The following HSPG2 variants were observed in gnomAD, a reference collection of about 807,000 sequenced individuals.
The protein encoded by HSPG2 is heparan sulfate proteoglycan 2.
Under a neutral mutation model 526.6 loss-of-function variants are expected in HSPG2, and 278 were observed. The observed-to-expected ratio is 0.53, with a 90% CI of 0.48 to 0.58. The LOEUF is 0.58. HSPG2 is among the 20% of genes least tolerant of loss of function. The pLI, the probability that HSPG2 is intolerant of heterozygous loss-of-function variation, is 0.00. For missense variants in HSPG2, 5,354 were observed against 6,099.5 expected (o/e 0.88, Z 4.07); for synonymous variants, 2,465 against 2,555.4 (o/e 0.96, Z 1.07).
Position 21,822,500 on chromosome 1 carries a change from G to A in HSPG2, c.*816C>T, listed in dbSNP as rs561815621. 11 of 368,534 alleles carry A rather than the reference G, an allele frequency of 3.0e-5. No homozygotes were observed. Among genetic ancestry groups the A allele is most frequent in the Non-Finnish European group, 4.2e-5 (8 of 192,050 alleles). The allele number at this position is 368,534 out of a possible 1,614,324, so 22.8% of individuals were successfully genotyped here. A position where few individuals can be genotyped will look rare whatever the true frequency, so the allele number is the denominator to read the frequency against. On this transcript the variant is annotated 3_prime_UTR_variant, in exon 97 of 97. Transcript: ENST00000374695. ...GAGCACCAGCGGCATCCGTCCGTCC[G>A]TTGTCTGTTGGAGGAGTCCCTGGGC... is the stretch of plus-strand genomic sequence containing the variant.
chr1:21,831,513 T>G lies in HSPG2; in HGVS notation c.11402A>C (p.Tyr3801Ser). 6.2e-7 allele frequency: 1 copy of G among 1,614,068 alleles called. No individual in the cohort carries two copies. Among genetic ancestry groups the G allele is most frequent in the Non-Finnish European group, 8.5e-7 (1 of 1,179,976 alleles). ...DLNEELYLGG[Y>S]PDYGAIPKAG... The stretch of plus-strand genomic sequence containing the variant: ...CTTGGGGATGGCACCATAGTCAGGA[T>G]AGCCACCCAGGTAGAGTTCCTCGTT... Residue 3801 changes from tyrosine to serine, a missense_variant, in exon 83 of 97, where the codon TAT becomes TCT. Transcript: ENST00000374695.
chr1:21,876,776 T>C (rs924394724), intron 21 of HSPG2, 124 bp from the exon 22 acceptor site: 2 of 1,302,760 alleles, frequency 1.5e-6, no homozygotes, highest in South Asian at 2.5e-5. Flanking sequence ...AGAGCACATG[T>C]GGCTGGGCGC....
chr1:21,864,139 G>A lies in HSPG2; in HGVS notation c.4701C>T (p.Gly1567=), dbSNP rs1316106153. 2.6e-6 allele frequency: 4 copies of A among 1,557,058 alleles called. No individual in the cohort carries two copies. In the South Asian group the frequency reaches 3.6e-5, roughly 14 times the overall value. The change falls in exon 37 of 97, where the codon GGC becomes GGT. Residue 1567 remains glycine, a synonymous_variant. Transcript: ENST00000374695. The surrounding 1 kb of genome is among the most constrained non-coding windows in gnomAD (Gnocchi z 4.8). ...TCTCTGGGTGGCACAGGTCTGAGTG[G>A]CCATTGCATTCACATAGCTCGCAGT... is the stretch of plus-strand genomic sequence containing the variant. ...LGHCELCECN[G]HSDLCHPETG...
chr1:21,855,365 G>A lies in HSPG2; in HGVS notation c.5936C>T (p.Ala1979Val). Residue 1979 changes from alanine to valine, a missense_variant, in exon 47 of 97, where the codon GCT becomes GTT. Transcript: ENST00000374695. ...AGRTVRLYCR[A>V]AGVPSATITW... Reference sequence around the variant, plus strand: ...GATGGTGGCGCTAGGCACGCCTGCAGCCCTGCAGTACAGCCTGACGGTGCG... The same window carrying A: ...GATGGTGGCGCTAGGCACGCCTGCAACCCTGCAGTACAGCCTGACGGTGCG... The A allele has an allele frequency of 6.2e-7, 1 of 1,612,090 alleles. No homozygotes were observed. Among genetic ancestry groups the A allele is most frequent in the African/African-American group, 1.3e-5 (1 of 75,038 alleles).
intron 42 of HSPG2, 126 bp from the exon 43 acceptor site, chr1:21,857,511 C>A (rs946212289): frequency 8.3e-6 from 7 of 841,234 alleles, no homozygotes; most frequent in Non-Finnish European, 1.4e-5. Context: ...CTCATTCTAC[C>A]CCCTGGCACC....
Position 21,867,795 on chromosome 1 carries a change from A to T in HSPG2, c.4222-1986T>A, listed in dbSNP as rs1001021161. On this transcript the variant is annotated intron_variant, in intron 33 of 96. Coordinates refer to ENST00000374695, the MANE Select transcript of HSPG2 (RefSeq NM_005529.7). The stretch of plus-strand genomic sequence containing the variant: ...TGCCCAGCTGGAGTACAGTGCTGCA[A>T]TCTCAGCTCACTGTAATCTCTGCCT... Among the ~76,000 whole-genome samples, 3 of 151,972 alleles carry T rather than the reference A, an allele frequency of 2.0e-5. No homozygotes were observed. The South Asian group carries it at 6.2e-4, about 32-fold the overall frequency.
intron 85 of HSPG2, chr1:21,830,755 G>A: frequency 1.8e-6 from 1 of 563,930 alleles, no homozygotes; most frequent in Non-Finnish European, 3.2e-6. Flanking sequence ...CGGGGTAGTG[G>A]TAAGAATTTG....
chr1:21,885,264 C>G, intron 10 of HSPG2, 56 bp downstream of exon 10: 1 of 1,612,680 alleles, frequency 6.2e-7, no homozygotes, highest in South Asian at 1.1e-5. Context: ...AGGCTGTGGA[C>G]AGAACCCCTA....
rs1326786121 is a variant in HSPG2 at position 21,839,825 on chromosome 1, T to G, written c.9706A>C (p.Thr3236Pro). The G allele has an allele frequency of 6.2e-7, 1 of 1,613,424 alleles. No individual in the cohort carries two copies. Among genetic ancestry groups the G allele is most frequent in the Non-Finnish European group, 8.5e-7 (1 of 1,179,992 alleles). ...GHTATLRCSATGSPAPTIHWS... is the reference protein window; with the variant it reads ...GHTATLRCSAPGSPAPTIHWS... ...ATGTGCCAGCCCTTGGTCACACCTG[T>G]GGCTGAGCAGCGCAAGGTGGCCGTG... Residue 3236 changes from threonine to proline, a missense_variant, in exon 72 of 97, where the codon ACA (threonine) becomes CCA (proline). Thr to Pro is a conservative substitution (Grantham distance 38). Coordinates refer to ENST00000374695, the MANE Select transcript of HSPG2 (RefSeq NM_005529.7). This position sits in a 1 kb window ranked among gnomAD's most constrained non-coding sequence, Gnocchi z 4.5.
In HSPG2 at chr1:21,848,802, G is replaced by A. The variant is rs1638656964; in HGVS notation, c.7586-8C>T. 1 of 1,613,566 alleles carries A rather than the reference G, an allele frequency of 6.2e-7. No individual in the cohort carries two copies. Among genetic ancestry groups the A allele is most frequent in the East Asian group, 2.2e-5 (1 of 44,862 alleles). ...GGTACGCCACACCCTGGGCTGGGAG[G>A]GTGAGATGTAAGGCAGGGTGTGGGA... On this transcript the variant is annotated splice_region_variant and splice_polypyrimidine_tract_variant and intron_variant, in intron 58 of 96. Coordinates refer to ENST00000374695, the MANE Select transcript of HSPG2 (RefSeq NM_005529.7). This position sits in a 1 kb window ranked among gnomAD's most constrained non-coding sequence, Gnocchi z 4.9.
intron 13 of HSPG2, among the ~76,000 whole-genome samples, chr1:21,882,400 TACACAC>T (rs56357321): frequency 0.056 from 7,953 of 142,520 alleles, 261 homozygotes; most frequent in South Asian, 0.091. Flanking sequence ...CTCTTCTATG[TACACAC>T]ACACACACAC....
Position 21,823,734 on chromosome 1 carries a change from G to C in HSPG2, c.12900-15C>G. On this transcript the variant is annotated splice_polypyrimidine_tract_variant and intron_variant, in intron 95 of 96. Coordinates refer to ENST00000374695, the MANE Select transcript of HSPG2 (RefSeq NM_005529.7). ...TGCGGCCCTCCCTGCAGTGGAACTG[G>C]GTCAGGCCCCTTTCCACAAACTTCC... 2 of 1,606,752 alleles carry C rather than the reference G, an allele frequency of 1.2e-6. No individual in the cohort carries two copies. The highest frequency in any genetic ancestry group is 2.2e-5 in the South Asian group (2 of 90,980).
chr1:21,933,236 AAAG>A (rs1427693462), intron 1 of HSPG2, among the ~76,000 whole-genome samples: 2 of 151,936 alleles, frequency 1.3e-5, no homozygotes, highest in East Asian at 3.9e-4. Context: ...AAAAAAAAGA[AAAG>A]AAAAAGAAAC....
intron 1 of HSPG2, among the ~76,000 whole-genome samples, chr1:21,917,437 GTAAATAAATAAATAAATAAATAAA>G (rs71569857): frequency 7.8e-5 from 11 of 141,228 alleles, no homozygotes; most frequent in Non-Finnish European, 1.2e-4. Flanking sequence ...TGTCTCAAAA[GTAAATAAATAAATAAATAAATAAA>G]TAAATAAATA....
rs561672230 is a variant in HSPG2 at position 21,922,982 on chromosome 1, C to T, written c.63+14173G>A. Among the ~76,000 whole-genome samples, 421 of 152,026 alleles carry T rather than the reference C, an allele frequency of 2.8e-3. 2 individuals carry two copies. The highest frequency in any genetic ancestry group is 8.6e-3 in the African/African-American group (358 of 41,450). On this transcript the variant is annotated intron_variant, in intron 1 of 96. Coordinates refer to ENST00000374695, the MANE Select transcript of HSPG2 (RefSeq NM_005529.7). ...CCGCCCCCACCCCGACCCCAGAAGG[C>T]GGGGAGGGAAAAAAGAGGGAGGAAA... is the stretch of plus-strand genomic sequence containing the variant.
At chr1:21,934,419 C>A (rs1644427462) in intron 1 of HSPG2, among the ~76,000 whole-genome samples, 1 of 152,176 alleles carries the variant, frequency 6.6e-6, no homozygotes, top group Non-Finnish European at 1.5e-5. Context: ...GAGGAACTCG[C>A]CCCAGATCAC....
At position 21,842,797 on chromosome 1, in the gene HSPG2, G is replaced by C; in HGVS notation, c.8883C>G (p.Arg2961=). Reference sequence around the variant, plus strand: ...GGTGCCGGGCGGGGAGGCTGCCCCCGCGCTTGTACCACGTGACCTGGGCAT... The same window carrying C: ...GGTGCCGGGCGGGGAGGCTGCCCCCCCGCTTGTACCACGTGACCTGGGCAT... ...QAHAQVTWYK[R]GGSLPARHQT... is the part of the protein sequence containing the mutation. Residue 2961 remains arginine (R), a synonymous_variant, in exon 67 of 97, where the codon CGC becomes CGG. Transcript: ENST00000374695. The C allele has an allele frequency of 6.2e-7, 1 of 1,613,594 alleles. No individual in the cohort carries two copies. Among genetic ancestry groups the C allele is most frequent in the Non-Finnish European group, 8.5e-7 (1 of 1,180,022 alleles).
Position 21,831,086 on chromosome 1 carries a change from C to T in HSPG2, c.11567G>A (p.Gly3856Asp), listed in dbSNP as rs778722013. 188 of 1,604,096 alleles carry T rather than the reference C, an allele frequency of 1.2e-4. No homozygotes were observed. The highest frequency in any genetic ancestry group is 1.4e-4 in the Non-Finnish European group (170 of 1,175,408). The change falls in exon 85 of 97, where the codon GGC (glycine) becomes GAC (aspartate). Residue 3856 changes from glycine to aspartate, a missense_variant. By Grantham distance (94) the Gly-to-Asp change is moderately conservative. Transcript: ENST00000374695. ...GCTCTCAGAGTCATGGCACTGACCG[C>T]CATTCTGCAAAGCAGCCCCCAGAAG... ...PTCRDRPCQN[G>D]GQCHDSESSS...
rs189095432 is a variant in HSPG2, at chr1:21,860,131, C to T, written c.5014+46G>A. 73 of 1,610,834 alleles carry T rather than the reference C, an allele frequency of 4.5e-5. No individual in the cohort carries two copies. In the East Asian group the frequency reaches 1.6e-3, roughly 36 times the overall value. ...CAGTATCCCCCAAATTCCCAGGGCTCCCTGCCTTGCCCATCGTCCCCATCC... is the reference window on the plus strand; with the variant it reads ...CAGTATCCCCCAAATTCCCAGGGCTTCCTGCCTTGCCCATCGTCCCCATCC... On this transcript the variant is annotated intron_variant, in intron 40 of 96. Coordinates refer to ENST00000374695, the MANE Select transcript of HSPG2 (RefSeq NM_005529.7).
Sources: gnomAD v4.1 joint callset for allele counts (sites outside exome capture counted in the v4.1 genomes callset) on GRCh38, gnomAD v4.1.1 for gene constraint, Gnocchi (gnomAD v3.1) non-coding constraint, MANE v1.5 for transcripts, NCBI Gene and HGNC (gene_info 2026-07-23, HGNC 2026-07-21) for gene names.